The following DDAH1 variants were observed in gnomAD, a reference collection of about 807,000 sequenced individuals.
DDAH1 encodes the protein N(G),N(G)-dimethylarginine dimethylaminohydrolase 1.
DDAH1 carries 19 observed loss-of-function variants against 28.8 expected under a neutral mutation model. The observed-to-expected ratio is 0.66, with a 90% CI of 0.46 to 0.97. The LOEUF (loss-of-function observed/expected upper bound fraction) is 0.97, where lower values mean the gene tolerates loss of function less well. DDAH1 is among the 50% of genes least tolerant of loss of function. The pLI, the probability that DDAH1 is intolerant of heterozygous loss-of-function variation, is 0.00. For missense variants in DDAH1, 326 were observed against 375.9 expected, an observed-to-expected ratio of 0.87 and a Z score of 1.10; for synonymous variants, 153 against 154.4, an observed-to-expected ratio of 0.99 and a Z score of 0.07.
At chr1:85,503,518 CATCTATCTATCTATCTATCT>C (rs61426289) in intron 1 of DDAH1, among the ~76,000 whole-genome samples, 2 of 144,008 alleles carry the variant, frequency 1.4e-5, no homozygotes, top group East Asian at 2.1e-4. Context: ...CTTTAAAGTT[CATCTATCTATCTATCTATCT>C]ATCTATCTAT....
At chr1:85,469,990 T>C (rs1655562100), upstream of DDAH1, among the ~76,000 whole-genome samples, 1 of 152,240 alleles carries the variant, frequency 6.6e-6, no homozygotes, top group Non-Finnish European at 1.5e-5. Flanking sequence ...ATTGATAATA[T>C]TGCTGGTATC....
intron 1 of DDAH1, among the ~76,000 whole-genome samples, chr1:85,461,549 C>T (rs546523022): frequency 8.4e-4 from 128 of 152,292 alleles, no homozygotes; most frequent in African/African-American, 3.0e-3. Flanking sequence ...AGCTATAAAC[C>T]ACCTACGTTC....
intron 1 of DDAH1, among the ~76,000 whole-genome samples, chr1:85,384,792 G>A (rs1651167511): frequency 1.3e-5 from 2 of 152,104 alleles, no homozygotes; most frequent in South Asian, 4.1e-4. Flanking sequence ...TGAACAGAAG[G>A]GAGGTCTAGA....
At chr1:85,500,118 CTT>C (rs372244082) in intron 1 of DDAH1, among the ~76,000 whole-genome samples, 2 of 4,230 alleles carry the variant, frequency 4.7e-4, no homozygotes, top group African/African-American at 6.0e-4. Flanking sequence ...CTTTTCTTTT[CTT>C]TCTTTCTTTC....
intron 2 of DDAH1, among the ~76,000 whole-genome samples, chr1:85,480,008 T>C (rs758550903): frequency 1.3e-5 from 2 of 152,214 alleles, no homozygotes; most frequent in African/African-American, 2.4e-5. Context: ...TCTGCTCTCA[T>C]AGGAACAACT....
intron 2 of DDAH1, 33 bp from the exon 3 acceptor site, chr1:85,351,612 G>T: frequency 6.6e-7 from 1 of 1,513,782 alleles, no homozygotes. Context: ...TAGTGAGCAG[G>T]TGGCACCAGT....
At chr1:85,556,448 G>A (rs957247702) in intron 1 of DDAH1, among the ~76,000 whole-genome samples, 3 of 152,174 alleles carry the variant, frequency 2.0e-5, no homozygotes, top group African/African-American at 7.2e-5. Context: ...GCGGCTGTAC[G>A]AAGGACACGT....
At chr1:85,383,500 T>A (rs778914354) in intron 1 of DDAH1, among the ~76,000 whole-genome samples, 2 of 152,202 alleles carry the variant, frequency 1.3e-5, no homozygotes, top group Non-Finnish European at 2.9e-5. Context: ...GTTGAAATGA[T>A]AATAAAATAT....
At chr1:85,357,273 C>G (rs1396653173) in intron 2 of DDAH1, among the ~76,000 whole-genome samples, 1 of 152,090 alleles carries the variant, frequency 6.6e-6, no homozygotes, top group Non-Finnish European at 1.5e-5. Flanking sequence ...GCATGCAAAC[C>G]AAACCCCAGA....
At chr1:85,411,506 TCTA>T (rs146584347) in intron 1 of DDAH1, among the ~76,000 whole-genome samples, 5,652 of 152,218 alleles carry the variant, frequency 0.037, 167 homozygotes, top group South Asian at 0.055. Flanking sequence ...CCTTCTGTCT[TCTA>T]CACCAAATTG....
chr1:85,430,533 A>G (rs911196173), intron 1 of DDAH1, among the ~76,000 whole-genome samples: 2 of 152,224 alleles, frequency 1.3e-5, no homozygotes, highest in Non-Finnish European at 2.9e-5. Context: ...ATTCATGATC[A>G]TGGAATGTTT....
chr1:85,544,641 T>C (rs1291930197), intron 1 of DDAH1, among the ~76,000 whole-genome samples: 2 of 152,112 alleles, frequency 1.3e-5, no homozygotes, highest in African/African-American at 4.8e-5. Flanking sequence ...CAGTACTAAA[T>C]AAAGTGGAGA....
At chr1:85,365,397 T>C (rs950425944) in intron 1 of DDAH1, among the ~76,000 whole-genome samples, 1 of 152,208 alleles carries the variant, frequency 6.6e-6, no homozygotes, top group Non-Finnish European at 1.5e-5. Context: ...AATGGAAGGA[T>C]AGAGGCTACA....
intron 5 of DDAH1, 130 bp from the exon 6 acceptor site, chr1:85,321,698 AACC>A (rs1343710911): frequency 2.1e-5 from 15 of 715,650 alleles, no homozygotes; most frequent in Admixed American, 4.1e-5. Context: ...AGGCAGTCTC[AACC>A]ACACACATGC....
intron 1 of DDAH1, among the ~76,000 whole-genome samples, chr1:85,447,098 C>G (rs1356329429): frequency 6.6e-6 from 1 of 152,168 alleles, no homozygotes; most frequent in Non-Finnish European, 1.5e-5. Context: ...CATTTATTAG[C>G]ATGAGGAGGT....
intron 3 of DDAH1, among the ~76,000 whole-genome samples, chr1:85,351,016 TA>T (rs927975090): frequency 6.7e-6 from 1 of 149,634 alleles, no homozygotes; most frequent in Non-Finnish European, 1.5e-5. Flanking sequence ...GATTCCAATC[TA>T]AAAAAAATCT....
chr1:85,337,951 T>C (rs1215036590), intron 4 of DDAH1, among the ~76,000 whole-genome samples: 1 of 152,216 alleles, frequency 6.6e-6, no homozygotes, highest in African/African-American at 2.4e-5. Flanking sequence ...TCACCGAACT[T>C]CCATCTTTCA....
chr1:85,561,220 C>T (rs1475292932), intron 1 of DDAH1, among the ~76,000 whole-genome samples: 1 of 151,932 alleles, frequency 6.6e-6, no homozygotes, highest in Admixed American at 6.6e-5. Flanking sequence ...TAGTGCCTAC[C>T]TCAAAGAGTT....
intron 1 of DDAH1, among the ~76,000 whole-genome samples, chr1:85,391,271 T>TA (rs1394834554): frequency 6.6e-6 from 1 of 152,154 alleles, no homozygotes; most frequent in Non-Finnish European, 1.5e-5. Flanking sequence ...GGCCATAGTT[T>TA]AAAAAGTTCC....
Sources: allele counts gnomAD v4.1 joint callset (sites outside exome capture counted in the v4.1 genomes callset), GRCh38; gene constraint gnomAD v4.1.1; transcripts MANE v1.5; gene names NCBI Gene and HGNC (gene_info 2026-07-23, HGNC 2026-07-21).